LCN2: variants seen among roughly 807,000 people sequenced by gnomAD.
The protein encoded by LCN2 is lipocalin 2, also known as neutrophil gelatinase-associated lipocalin.
Under a neutral mutation model 26.4 loss-of-function variants are expected in LCN2, and 27 were observed. The ratio of observed to expected loss-of-function variants is 1.02; its 90% CI spans 0.76 to 1.41. The LOEUF (loss-of-function observed/expected upper bound fraction) is 1.41. Among genes scored for constraint, LCN2 ranks in the 40% most tolerant of loss-of-function variants. The pLI is 0.00. For synonymous variants in LCN2, 94 were observed against 98.9 expected (o/e 0.95, Z 0.30); for missense variants, 224 against 237.6 (o/e 0.94, Z 0.38).
rs187183182 is a variant in LCN2, at chr9:128,152,608, G to A, written c.577+324G>A. Among the ~76,000 whole-genome samples the A allele has an allele frequency of 3.9e-3, 589 of 152,228 alleles. 1 individual carries two copies. Among genetic ancestry groups the A allele is most frequent in the Middle Eastern group, 0.01 (3 of 294 alleles). On this transcript the variant is annotated intron_variant, in intron 5 of 6. Transcript: ENST00000277480. ...CTGACACCTCTGGCCACCCTCCCAGGCCCCCTTGTTCTGGGCCATCTCCCC... is the reference window on the plus strand; with the variant it reads ...CTGACACCTCTGGCCACCCTCCCAGACCCCCTTGTTCTGGGCCATCTCCCC...
chr9:128,151,599 GT>G (rs1280149491), intron 2 of LCN2, 38 bp from the exon 3 acceptor site: 1 of 1,555,576 alleles, frequency 6.4e-7, no homozygotes, highest in East Asian at 2.2e-5. Context: ...CCAAGCCTGG[GT>G]TGTCTCCCCT....
chr9:128,150,327 T>C lies in LCN2; in HGVS notation c.228T>C (p.Tyr76=). 1.2e-6 allele frequency: 2 copies of C among 1,614,206 alleles called. No individual in the cohort carries two copies. Among genetic ancestry groups the C allele is most frequent in the Non-Finnish European group, 1.7e-6 (2 of 1,180,032 alleles). Residue 76 remains tyrosine (Y), a synonymous_variant, in exon 2 of 7, where the codon TAT becomes TAC. Coordinates refer to ENST00000277480, the MANE Select transcript of LCN2 (RefSeq NM_005564.5). ...CGCAAAAGATGTATGCCACCATCTATGAGCTGAAAGAAGACAAGAGCTACA... is the reference window on the plus strand; with the variant it reads ...CGCAAAAGATGTATGCCACCATCTACGAGCTGAAAGAAGACAAGAGCTACA... ...KDPQKMYATI[Y]ELKEDKSYNV...
intron 2 of LCN2, among the ~76,000 whole-genome samples, chr9:128,150,935 G>A (rs1835000638): frequency 6.6e-6 from 1 of 152,236 alleles, no homozygotes; most frequent in South Asian, 2.1e-4. Context: ...GGGGAGACTT[G>A]GTGGGGTGCA....
Position 128,153,329 on chromosome 9 carries a change from AC to A in LCN2, c.*28del. 1 of 634,814 alleles carries A rather than the reference AC, an allele frequency of 1.6e-6. No homozygotes were observed. The highest frequency in any genetic ancestry group is 1.8e-5 in the South Asian group (1 of 56,162). The allele number at this position is 634,814 out of a possible 1,614,324, so 39.3% of individuals were successfully genotyped here. On this transcript the variant is annotated 3_prime_UTR_variant, in exon 7 of 7. Coordinates refer to ENST00000277480, the MANE Select transcript of LCN2 (RefSeq NM_005564.5). The surrounding 1 kb of genome is among the most constrained non-coding windows in gnomAD (Gnocchi z 5.4). Reference sequence around the variant, plus strand: ...TGTCCAGGGTGCCGCCAGCTGCCGCACCAGCCCGAACACCATTGAGGGAGCT... The same window carrying A: ...TGTCCAGGGTGCCGCCAGCTGCCGCACAGCCCGAACACCATTGAGGGAGCT...
chr9:128,150,430 G>A, intron 2 of LCN2, 56 bp downstream of exon 2: 1 of 1,611,154 alleles, frequency 6.2e-7, no homozygotes, highest in Admixed American at 1.7e-5. Context: ...ACAGGCAAGG[G>A]ATGGCCAAAG....
rs1401211476 is a variant in LCN2 at position 128,150,206 on chromosome 9, C to T, written c.139-32C>T. 2.5e-6 allele frequency: 4 copies of T among 1,600,646 alleles called. No homozygotes were observed. In the African/African-American group the frequency reaches 5.4e-5, roughly 21 times the overall value. Reference sequence around the variant, plus strand: ...TGGAGGGGTGGCTCCTAGGGCCATTCCTGGGTTGTGCCTCTTATCAGTCCC... The same window carrying T: ...TGGAGGGGTGGCTCCTAGGGCCATTTCTGGGTTGTGCCTCTTATCAGTCCC... On this transcript the variant is annotated intron_variant, in intron 1 of 6. Transcript: ENST00000277480.
rs369971925 is a variant in LCN2 at position 128,150,520 on chromosome 9, G to A, written c.275+146G>A. On this transcript the variant is annotated intron_variant, in intron 2 of 6. Transcript: ENST00000277480. ...TCCTTCCTCTGTTCCTTAGAGCAAC[G>A]TTTATAGCACATTTCCATGCAGACA... 87 of 995,992 alleles carry A rather than the reference G, an allele frequency of 8.7e-5. No individual in the cohort carries two copies. In the African/African-American group the frequency reaches 1.1e-3, roughly 13 times the overall value. 61.7% of individuals were successfully genotyped at this position (995,992 alleles called of 1,614,324 possible).
intron 5 of LCN2, 142 bp from the exon 6 acceptor site, chr9:128,152,958 A>T: frequency 8.8e-7 from 1 of 1,138,854 alleles, no homozygotes; most frequent in East Asian, 2.4e-5. Context: ...AGGAACCCCC[A>T]TATCTTCTGC....
In LCN2 at chr9:128,153,098, A is replaced by C; in HGVS notation, c.578-2A>C. ...TGTTCTGACGGACTTTCTCCCTAAC[A>C]GACCAGTGTATCGACGGCTGAGTGC... On this transcript the variant is annotated splice_acceptor_variant, in intron 5 of 6. Transcript: ENST00000277480. LOFTEE classifies it high-confidence loss of function. This position sits in a 1 kb window ranked among gnomAD's most constrained non-coding sequence, Gnocchi z 5.4. The C allele has an allele frequency of 2.5e-6, 4 of 1,614,086 alleles. No homozygotes were observed. Among genetic ancestry groups the C allele is most frequent in the Non-Finnish European group, 3.4e-6 (4 of 1,179,984 alleles).
chr9:128,152,084 G>A (rs1835014060), intron 4 of LCN2, 59 bp downstream of exon 4: 1 of 1,610,980 alleles, frequency 6.2e-7, no homozygotes, highest in East Asian at 2.2e-5. Flanking sequence ...TGGGAGGGGA[G>A]GCCGGTCCCC....
chr9:128,150,920 A>C (rs2130877311), intron 2 of LCN2, among the ~76,000 whole-genome samples: 1 of 152,306 alleles, frequency 6.6e-6, no homozygotes, highest in Middle Eastern at 3.4e-3. Flanking sequence ...CTTGGGCCGC[A>C]GGGTGGGGAG....
At chr9:128,151,041 C>A (rs909744775) in intron 2 of LCN2, among the ~76,000 whole-genome samples, 1 of 152,156 alleles carries the variant, frequency 6.6e-6, no homozygotes, top group Non-Finnish European at 1.5e-5. Flanking sequence ...CAGGGATCAG[C>A]CGCCCCCAGT....
At position 128,153,054 on chromosome 9, in the gene LCN2, A is replaced by G; in HGVS notation, c.578-46A>G. 1.4e-6 allele frequency: 2 copies of G among 1,404,926 alleles called. No homozygotes were observed. Among genetic ancestry groups the G allele is most frequent in the South Asian group, 1.3e-5 (1 of 78,272 alleles). The allele number at this position is 1,404,926 out of a possible 1,614,324, so 87.0% of individuals were successfully genotyped here. ...ATCACACACACACACTCATACACGC[A>G]CACACACACACAGCTGCCTGTTCTG... On this transcript the variant is annotated intron_variant, in intron 5 of 6. Transcript: ENST00000277480. The surrounding 1 kb of genome is among the most constrained non-coding windows in gnomAD (Gnocchi z 5.4).
At chr9:128,152,989 G>A in intron 5 of LCN2, 111 bp from the exon 6 acceptor site, 1 of 1,507,858 alleles carries the variant, frequency 6.6e-7, no homozygotes. Context: ...GGTGGGGCAG[G>A]GGCTGCCCAG....
Position 128,153,036 on chromosome 9 carries a change from A to G in LCN2, c.578-64A>G. ...AGGACCTGGCAGTCAGGGATCACAC[A>G]CACACACTCATACACGCACACACAC... is the stretch of plus-strand genomic sequence containing the variant. On this transcript the variant is annotated intron_variant, in intron 5 of 6. Transcript: ENST00000277480. The surrounding 1 kb of genome is among the most constrained non-coding windows in gnomAD (Gnocchi z 5.4). The G allele has an allele frequency of 1.9e-6, 3 of 1,612,598 alleles. No homozygotes were observed. Among genetic ancestry groups the G allele is most frequent in the Non-Finnish European group, 2.5e-6 (3 of 1,179,064 alleles).
At position 128,153,208 on chromosome 9, in the gene LCN2, C is replaced by T; in HGVS notation, c.*7+82C>T. ...TGGGGGTCTTGGGCCTGCCTTTGCT[C>T]ATCCCCCTGCCCCCCAGCACTGCTG... is the stretch of plus-strand genomic sequence containing the variant. On this transcript the variant is annotated intron_variant, in intron 6 of 6. Transcript: ENST00000277480. This position sits in a 1 kb window ranked among gnomAD's most constrained non-coding sequence, Gnocchi z 5.4. The T allele has an allele frequency of 6.6e-7, 1 of 1,520,908 alleles. No homozygotes were observed. The highest frequency in any genetic ancestry group is 1.7e-5 in the Admixed American group (1 of 59,822). 94.2% of individuals were successfully genotyped at this position (1,520,908 alleles called of 1,614,324 possible). A position where few individuals can be genotyped will look rare whatever the true frequency, so the allele number is the denominator to read the frequency against.
At position 128,153,253 on chromosome 9, in the gene LCN2, C is replaced by G. The variant is rs1829158966; in HGVS notation, c.*8-58C>G. The G allele has an allele frequency of 1.3e-5, 15 of 1,179,920 alleles. No homozygotes were observed. The highest frequency in any genetic ancestry group is 1.0e-5 in the Non-Finnish European group (8 of 799,030). 73.1% of individuals were successfully genotyped at this position (1,179,920 alleles called of 1,614,324 possible). A position where few individuals can be genotyped will look rare whatever the true frequency, so the allele number is the denominator to read the frequency against. On this transcript the variant is annotated intron_variant, in intron 6 of 6. Coordinates refer to ENST00000277480, the MANE Select transcript of LCN2 (RefSeq NM_005564.5). The surrounding 1 kb of genome is among the most constrained non-coding windows in gnomAD (Gnocchi z 5.4). The stretch of plus-strand genomic sequence containing the variant: ...CTGCTGCTGTCTTTATTCTGCTGTC[C>G]CCATCTCGGGTGCCTCCCATTTCCC...
chr9:128,150,639 C>A (rs1260947519), intron 2 of LCN2: 1 of 623,128 alleles, frequency 1.6e-6, no homozygotes, highest in Non-Finnish European at 3.0e-6. Flanking sequence ...GACACTGGAT[C>A]CAGCCTGGAA....
At chr9:128,150,565 G>A (rs1834996567) in intron 2 of LCN2, 191 bp downstream of exon 2, 1 of 759,548 alleles carries the variant, frequency 1.3e-6, no homozygotes, top group African/African-American at 1.7e-5. Flanking sequence ...TGGTGGGGAT[G>A]GACATGCACA....
Sources: gnomAD v4.1 joint callset for allele counts (sites outside exome capture counted in the v4.1 genomes callset) on GRCh38, gnomAD v4.1.1 for gene constraint, Gnocchi (gnomAD v3.1) non-coding constraint, MANE v1.5 for transcripts, NCBI Gene and HGNC (gene_info 2026-07-23, HGNC 2026-07-21) for gene names.